Variants in MYCBP observed in about 807,000 individuals in gnomAD.
MYCBP encodes the protein MYC binding protein.
Under a neutral mutation model 16.8 loss-of-function variants are expected in MYCBP, and 5 were observed. That is an observed-to-expected ratio of 0.30 (90% CI 0.16 to 0.63). MYCBP has a LOEUF of 0.63. MYCBP is among the 20% of genes least tolerant of loss of function. MYCBP has a pLI of 0.83. For synonymous variants in MYCBP, 35 were observed against 43.7 expected (o/e 0.80, Z 0.79); for missense variants, 103 against 121.8 (o/e 0.85, Z 0.73).
intron 4 of MYCBP, among the ~76,000 whole-genome samples, chr1:38,865,045 A>C (rs538890622): frequency 1.3e-5 from 2 of 152,252 alleles, no homozygotes; most frequent in African/African-American, 4.8e-5. Context: ...CCTCTCCAGC[A>C]AAAGTTTACT....
chr1:38,871,550 A>C (rs1642467872), intron 2 of MYCBP, among the ~76,000 whole-genome samples: 1 of 149,002 alleles, frequency 6.7e-6, no homozygotes, highest in South Asian at 2.1e-4. Flanking sequence ...CACAGTAGCT[A>C]GATTACAGGC....
chr1:38,867,751 G>T, intron 2 of MYCBP, 141 bp from the exon 3 acceptor site: 1 of 716,274 alleles, frequency 1.4e-6, no homozygotes, highest in Non-Finnish European at 2.4e-6. Flanking sequence ...GAACAAGACA[G>T]ACAAGGTCCC....
At position 38,871,771 on chromosome 1, in the gene MYCBP, G is replaced by T. The variant is rs897138847; in HGVS notation, c.88+1247C>A. 3.1e-4 allele frequency among the ~76,000 whole-genome samples: 47 copies of T among 151,914 alleles called. 1 individual carries two copies. Among genetic ancestry groups the T allele is most frequent in the Admixed American group, 2.8e-3 (43 of 15,232 alleles). Reference sequence around the variant, plus strand: ...TTTTTATCTGTACCACTTACCACTAGCTGACACTACATATTTATTTATGTA... The same window carrying T: ...TTTTTATCTGTACCACTTACCACTATCTGACACTACATATTTATTTATGTA... On this transcript the variant is annotated intron_variant, in intron 2 of 4. Transcript: ENST00000397572.
chr1:38,873,005 AG>A lies in MYCBP; in HGVS notation c.88+12del. ...ACGAGGGCACGAGGTACCCTCTCCT[AG>A]CCCAGGCTCACCCTTGGTCAGCGTG... On this transcript the variant is annotated intron_variant, in intron 2 of 4. Transcript: ENST00000397572. 2 of 1,568,518 alleles carry A rather than the reference AG, an allele frequency of 1.3e-6. No homozygotes were observed. Among genetic ancestry groups the A allele is most frequent in the Non-Finnish European group, 1.7e-6 (2 of 1,156,774 alleles).
At position 38,873,313 on chromosome 1, in the gene MYCBP, G is replaced by A; in HGVS notation, c.-8C>T. On this transcript the variant is annotated 5_prime_UTR_variant, in exon 1 of 5. Transcript: ENST00000397572. ...CACTTTGTAATGGGCCATAGTGACA[G>A]CGGCAGCGGCGTAGCTGGCGCCGGA... The A allele has an allele frequency of 1.9e-6, 3 of 1,601,566 alleles. No individual in the cohort carries two copies.
At chr1:38,872,984 G>A in intron 2 of MYCBP, 34 bp downstream of exon 2, 3 of 1,554,728 alleles carry the variant, frequency 1.9e-6, no homozygotes, top group East Asian at 2.4e-5. Context: ...AGCACGACGA[G>A]GGCACGAGGT....
rs775701145 is a variant in MYCBP, at chr1:38,866,948, G to C, written c.199C>G (p.Leu67Val). 1 of 1,608,800 alleles carries C rather than the reference G, an allele frequency of 6.2e-7. No individual in the cohort carries two copies. The highest frequency in any genetic ancestry group is 2.2e-5 in the East Asian group (1 of 44,836). Residue 67 changes from leucine to valine, a missense_variant, in exon 4 of 5, where the codon CTA (leucine) becomes GTA (valine). Leu to Val is a conservative substitution (Grantham distance 32). Transcript: ENST00000397572. ...TTCTCTTTCATTTCGGCCAGTTCTA[G>C]GCGAAGCAGCTCTATTTCTGGATTT... ...PENPEIELLRLELAEMKEKYE... is the reference protein window; with the variant it reads ...PENPEIELLRVELAEMKEKYE...
chr1:38,872,931 T>C, intron 2 of MYCBP, 87 bp downstream of exon 2: 1 of 1,457,528 alleles, frequency 6.9e-7, no homozygotes, highest in Non-Finnish European at 9.3e-7. Flanking sequence ...TTTCCCCTCC[T>C]TCCCCACGCT....
intron 3 of MYCBP, 136 bp downstream of exon 3, chr1:38,867,426 G>A (rs1050258087): frequency 3.7e-5 from 26 of 707,878 alleles, no homozygotes; most frequent in Non-Finnish European, 5.4e-5. Context: ...CCCACCAGGT[G>A]ACAGTACAAG....
rs181253603 is a variant in MYCBP at position 38,863,830 on chromosome 1, T to G, written c.*840A>C. ...ATATAATTATACCTACAAACTATGA[T>G]TTTCCCCAATATATGGCTCATTCCT... is the stretch of plus-strand genomic sequence containing the variant. On this transcript the variant is annotated 3_prime_UTR_variant, in exon 5 of 5. Coordinates refer to ENST00000397572, the MANE Select transcript of MYCBP (RefSeq NM_012333.5). 6.5e-6 allele frequency: 1 copy of G among 152,722 alleles called. No individual in the cohort carries two copies. Among genetic ancestry groups the G allele is most frequent in the East Asian group, 1.9e-4 (1 of 5,190 alleles). 9.5% of individuals were successfully genotyped at this position (152,722 alleles called of 1,614,324 possible).
chr1:38,866,957 G>A lies in MYCBP; in HGVS notation c.190C>T (p.Leu64=). 1.9e-6 allele frequency: 3 copies of A among 1,609,868 alleles called. No individual in the cohort carries two copies. Among genetic ancestry groups the A allele is most frequent in the South Asian group, 1.1e-5 (1 of 90,366 alleles). The change falls in exon 4 of 5, where the codon CTG becomes TTG. Residue 64 remains leucine, a synonymous_variant. Coordinates refer to ENST00000397572, the MANE Select transcript of MYCBP (RefSeq NM_012333.5). Reference sequence around the variant, plus strand: ...ATTTCGGCCAGTTCTAGGCGAAGCAGCTCTATTTCTGGATTTTCTGGAGTA... The same window carrying A: ...ATTTCGGCCAGTTCTAGGCGAAGCAACTCTATTTCTGGATTTTCTGGAGTA... The part of the protein sequence containing the change: ...AATPENPEIE[L]LRLELAEMKE...
rs778106551 is a variant in MYCBP at position 38,864,361 on chromosome 1, T to A, written c.*309A>T. 1 of 393,446 alleles carries A rather than the reference T, an allele frequency of 2.5e-6. No homozygotes were observed. Among genetic ancestry groups the A allele is most frequent in the Non-Finnish European group, 4.7e-6 (1 of 211,010 alleles). The allele number at this position is 393,446 out of a possible 1,614,324, so 24.4% of individuals were successfully genotyped here. On this transcript the variant is annotated 3_prime_UTR_variant, in exon 5 of 5. Transcript: ENST00000397572. ...AGGAATAGCTCCATGCTAAACTGTC[T>A]TGGCTAAAATACAACCAGTGCCATC...
chr1:38,866,514 T>G (rs1642343067), intron 4 of MYCBP, among the ~76,000 whole-genome samples: 1 of 151,952 alleles, frequency 6.6e-6, no homozygotes, highest in South Asian at 2.1e-4. Context: ...TCTGCCGGGT[T>G]CAAGCGATTC....
chr1:38,864,731 G>A lies in MYCBP; in HGVS notation c.268-17C>T, dbSNP rs1642302874. 3 of 1,611,734 alleles carry A rather than the reference G, an allele frequency of 1.9e-6. No individual in the cohort carries two copies. Among genetic ancestry groups the A allele is most frequent in the African/African-American group, 1.3e-5 (1 of 74,886 alleles). On this transcript the variant is annotated splice_polypyrimidine_tract_variant and intron_variant, in intron 4 of 4. Transcript: ENST00000397572. ...CTGAGCAAGCTATGGGGCAAAGACAGAGGAATTTAGGTGAATTTTATTCTA... is the reference window on the plus strand; with the variant it reads ...CTGAGCAAGCTATGGGGCAAAGACAAAGGAATTTAGGTGAATTTTATTCTA...
chr1:38,866,565 T>C (rs1010502955), intron 4 of MYCBP, among the ~76,000 whole-genome samples: 1 of 151,942 alleles, frequency 6.6e-6, no homozygotes, highest in African/African-American at 2.4e-5. Flanking sequence ...TATGGGCACA[T>C]GCCACCATGC....
chr1:38,867,671 A>T, intron 2 of MYCBP, 61 bp from the exon 3 acceptor site: 1 of 1,423,080 alleles, frequency 7.0e-7, no homozygotes, highest in Non-Finnish European at 9.9e-7. Context: ...GGCTGAAATT[A>T]TGTTCCATTA....
chr1:38,868,728 AC>A (rs1642392105), intron 2 of MYCBP, among the ~76,000 whole-genome samples: 1 of 152,000 alleles, frequency 6.6e-6, no homozygotes, highest in African/African-American at 2.4e-5. Context: ...ACACAGTGAA[AC>A]CCCGTCTCTA....
chr1:38,868,087 T>C (rs946177231), intron 2 of MYCBP, among the ~76,000 whole-genome samples: 3 of 152,206 alleles, frequency 2.0e-5, no homozygotes, highest in African/African-American at 2.4e-5. Flanking sequence ...GCAAATTTGG[T>C]TGGCACATAA....
Position 38,864,080 on chromosome 1 carries a change from G to C in MYCBP, c.*590C>G, listed in dbSNP as rs1642289615. 1 of 153,200 alleles carries C rather than the reference G, an allele frequency of 6.5e-6. No individual in the cohort carries two copies. Among genetic ancestry groups the C allele is most frequent in the East Asian group, 1.9e-4 (1 of 5,200 alleles). The allele number at this position is 153,200 out of a possible 1,614,324, so 9.5% of individuals were successfully genotyped here. A position where few individuals can be genotyped will look rare whatever the true frequency, so the allele number is the denominator to read the frequency against. ...AGAGGAAAGCAATGCAAGATTATCA[G>C]ACAGGCATGATTGCATAGAAGGAAA... On this transcript the variant is annotated 3_prime_UTR_variant, in exon 5 of 5. Coordinates refer to ENST00000397572, the MANE Select transcript of MYCBP (RefSeq NM_012333.5).
Sources: allele counts gnomAD v4.1 joint callset (sites outside exome capture counted in the v4.1 genomes callset), GRCh38; gene constraint gnomAD v4.1.1; transcripts MANE v1.5; gene names NCBI Gene and HGNC (gene_info 2026-07-23, HGNC 2026-07-21).